DPP6: variants seen among roughly 807,000 people sequenced by gnomAD.
DPP6 encodes the protein A-type potassium channel modulatory protein DPP6.
DPP6 carries 69 observed loss-of-function variants against 122.6 expected under a neutral mutation model. That is an observed-to-expected ratio of 0.56 (90% CI 0.46 to 0.69). The LOEUF is 0.69. Among genes scored for constraint, DPP6 ranks in the 30% least tolerant of loss-of-function variants. DPP6 has a pLI of 0.00. For missense variants in DPP6, 928 were observed against 1,116.9 expected (o/e 0.83, Z 2.41); for synonymous variants, 418 against 433.1 (o/e 0.97, Z 0.43).
intron 1 of DPP6, among the ~76,000 whole-genome samples, chr7:154,382,062 CT>C (rs1268008114): frequency 1.8e-4 from 21 of 119,350 alleles, no homozygotes; most frequent in South Asian, 6.2e-4. Flanking sequence ...AGAAACCCCC[CT>C]TTTTTTTTCC....
intron 6 of DPP6, among the ~76,000 whole-genome samples, chr7:154,666,206 T>C (rs4960708): frequency 0.3 from 43,072 of 145,198 alleles, 7,143 homozygotes; most frequent in East Asian, 0.44. Context: ...TATATACACA[T>C]ATACATACAT....
intron 5 of DPP6, among the ~76,000 whole-genome samples, chr7:154,569,224 A>C (rs1266105862): frequency 2.0e-5 from 3 of 152,058 alleles, no homozygotes; most frequent in African/African-American, 7.3e-5. Context: ...TCAAAGGAAG[A>C]GTCTAGGTCT....
intron 1 of DPP6, among the ~76,000 whole-genome samples, chr7:153,965,719 G>A (rs1231357450): frequency 2.0e-5 from 3 of 151,848 alleles, no homozygotes; most frequent in African/African-American, 4.8e-5. Context: ...TCACCTGTGC[G>A]GTGGCTCACA....
At chr7:154,209,134 C>A (rs11761978) in intron 1 of DPP6, among the ~76,000 whole-genome samples, 1 of 151,986 alleles carries the variant, frequency 6.6e-6, no homozygotes, top group Non-Finnish European at 1.5e-5. Flanking sequence ...TCTTGATTCA[C>A]GTAACAAAAA....
chr7:153,749,088 C>T, the DPP6 span, among the ~76,000 whole-genome samples: 1 of 152,082 alleles, frequency 6.6e-6, no homozygotes, highest in Non-Finnish European at 1.5e-5. The surrounding 1 kb of genome is among the most constrained non-coding windows in gnomAD (Gnocchi z 4.1). Flanking sequence ...AGAGTGGAGA[C>T]TCCGGCAGGT....
At chr7:154,458,266 T>G (rs1820974766) in intron 2 of DPP6, among the ~76,000 whole-genome samples, 1 of 152,168 alleles carries the variant, frequency 6.6e-6, no homozygotes, top group Non-Finnish European at 1.5e-5. Context: ...TGATAGTGAA[T>G]AAGTCTCATG....
rs567519451 is a variant in DPP6 at position 154,410,662 on chromosome 7, C to T, written c.244-35552C>T. ...TTAGTTTTCACTAAGGATCTTTCAT[C>T]GAAGGATGTTAAGAGCAAAATGGAT... On this transcript the variant is annotated intron_variant, in intron 1 of 25. Coordinates refer to ENST00000377770, the MANE Select transcript of DPP6 (RefSeq NM_130797.4). Among the ~76,000 whole-genome samples, 38 of 152,232 alleles carry T rather than the reference C, an allele frequency of 2.5e-4. 1 individual carries two copies. In the South Asian group the frequency reaches 5.4e-3, roughly 22 times the overall value.
At chr7:153,918,427 A>AACACACACAC (rs5888535) in intron 1 of DPP6, among the ~76,000 whole-genome samples, 3 of 110,842 alleles carry the variant, frequency 2.7e-5, no homozygotes, top group African/African-American at 1.1e-4. Flanking sequence ...AGTTAATTAA[A>AACACACACAC]ACACACACAC....
intron 1 of DPP6, among the ~76,000 whole-genome samples, chr7:153,998,651 A>G (rs1409993588): frequency 1.3e-5 from 2 of 152,208 alleles, no homozygotes; most frequent in Non-Finnish European, 2.9e-5. Context: ...AAGTGATTAC[A>G]CTATTTTTCT....
At chr7:154,165,115 C>CATCTAGCA (rs1327627329) in intron 1 of DPP6, among the ~76,000 whole-genome samples, 2 of 149,466 alleles carry the variant, frequency 1.3e-5, no homozygotes, top group Non-Finnish European at 2.9e-5. Flanking sequence ...ACTAACTCGT[C>CATCTAGCA]ATCTAGCATT....
the DPP6 span, among the ~76,000 whole-genome samples, chr7:153,834,554 G>A: frequency 0.06 from 9,091 of 152,186 alleles, 269 homozygotes; most frequent in South Asian, 0.09. Flanking sequence ...AGCATGTCAC[G>A]CATCAGGGAT....
the DPP6 span, among the ~76,000 whole-genome samples, chr7:153,796,697 G>T: frequency 6.6e-6 from 1 of 152,136 alleles, no homozygotes; most frequent in Non-Finnish European, 1.5e-5. Context: ...TAGAGACTGA[G>T]TTCAATGGGC....
chr7:154,172,479 A>G (rs550377002), intron 1 of DPP6, among the ~76,000 whole-genome samples: 19 of 152,320 alleles, frequency 1.2e-4, no homozygotes, highest in African/African-American at 4.3e-4. Flanking sequence ...TGCTTGTTGA[A>G]ACATGAACCA....
At chr7:154,835,469 A>C (rs1249673562) in intron 16 of DPP6, among the ~76,000 whole-genome samples, 1 of 152,228 alleles carries the variant, frequency 6.6e-6, no homozygotes, top group Non-Finnish European at 1.5e-5. Flanking sequence ...TCCAGTCCCC[A>C]GGTACCTACT....
In DPP6 at chr7:154,531,923, T is replaced by C. The variant is rs182773567; in HGVS notation, c.458-8609T>C. On this transcript the variant is annotated intron_variant, in intron 3 of 25. Transcript: ENST00000377770. The stretch of plus-strand genomic sequence containing the variant: ...CTAATGCAAAGAAATGCAACTAAAA[T>C]AGGAAAATTAAAATTCTAAAGATAT... Among the ~76,000 whole-genome samples the C allele has an allele frequency of 1.2e-4, 18 of 151,976 alleles. No individual in the cohort carries two copies. In the East Asian group the frequency reaches 3.5e-3, roughly 29 times the overall value.
intron 6 of DPP6, among the ~76,000 whole-genome samples, chr7:154,664,725 A>ATTCC (rs1026443391): frequency 6.7e-6 from 1 of 150,000 alleles, no homozygotes; most frequent in African/African-American, 2.5e-5. Flanking sequence ...CTGACTTTTC[A>ATTCC]TTCCTATTTA....
chr7:154,369,877 A>G (rs1812495201), intron 1 of DPP6, among the ~76,000 whole-genome samples: 1 of 152,220 alleles, frequency 6.6e-6, no homozygotes, highest in Non-Finnish European at 1.5e-5. Flanking sequence ...ATTTTCTCAG[A>G]AAAATGTCCA....
At chr7:154,169,067 AC>A (rs1299157633) in intron 1 of DPP6, among the ~76,000 whole-genome samples, 1 of 147,566 alleles carries the variant, frequency 6.8e-6, no homozygotes, top group Non-Finnish European at 1.5e-5. Context: ...TGCAGCTGAG[AC>A]CCTACCCATA....
intron 1 of DPP6, among the ~76,000 whole-genome samples, chr7:154,322,909 G>A (rs1244785566): frequency 2.0e-5 from 3 of 152,102 alleles, no homozygotes; most frequent in Non-Finnish European, 4.4e-5. Context: ...CAAACGCCAT[G>A]AGCAAAAATC....
Sources: allele counts gnomAD v4.1 joint callset (sites outside exome capture counted in the v4.1 genomes callset), GRCh38; gene constraint gnomAD v4.1.1; non-coding constraint Gnocchi (gnomAD v3.1); transcripts MANE v1.5; gene names NCBI Gene and HGNC (gene_info 2026-07-23, HGNC 2026-07-21).